The following SLC7A11 variants were observed in gnomAD, a reference collection of about 807,000 sequenced individuals.
SLC7A11 encodes solute carrier family 7 member 11, also known as cystine/glutamate transporter.
In SLC7A11, 35 loss-of-function variants were observed where a neutral mutation model predicts 54.5. That is an observed-to-expected ratio of 0.64 (90% CI 0.49 to 0.85). The LOEUF is 0.85. Ranked by LOEUF, SLC7A11 falls within the 40% of genes least tolerant of loss-of-function variation. SLC7A11 has a pLI of 0.00. For synonymous variants in SLC7A11, 230 were observed against 225.2 expected, an observed-to-expected ratio of 1.02 and a Z score of -0.19; for missense variants, 583 against 618.1, an observed-to-expected ratio of 0.94 and a Z score of 0.60.
intron 5 of SLC7A11, 53 bp from the exon 6 acceptor site, chr4:138,214,682 A>C (rs1267042649): frequency 1.5e-6 from 1 of 648,376 alleles, no homozygotes. Flanking sequence ...CCATTATCCA[A>C]AGTCTCAAAT....
intron 6 of SLC7A11, among the ~76,000 whole-genome samples, chr4:138,190,531 TCA>T (rs1193981074): frequency 2.6e-5 from 4 of 152,158 alleles, no homozygotes; most frequent in Non-Finnish European, 2.9e-5. Flanking sequence ...CAAACATCTC[TCA>T]CTTCTCTCTT....
At chr4:138,223,387 C>G in intron 3 of SLC7A11, 63 bp from the exon 4 acceptor site, 1 of 1,569,062 alleles carries the variant, frequency 6.4e-7, no homozygotes, top group Non-Finnish European at 8.7e-7. Flanking sequence ...CATTTTAGGT[C>G]CTTGTTACTC....
At chr4:138,219,053 C>T (rs1737744313) in intron 5 of SLC7A11, among the ~76,000 whole-genome samples, 2 of 152,104 alleles carry the variant, frequency 1.3e-5, no homozygotes, top group African/African-American at 4.8e-5. Context: ...ATCTAGCAGT[C>T]ACCTTGACTG....
At chr4:138,184,550 A>G (rs1736829222) in intron 7 of SLC7A11, among the ~76,000 whole-genome samples, 1 of 152,162 alleles carries the variant, frequency 6.6e-6, no homozygotes, top group South Asian at 2.1e-4. Context: ...GGGAGTTCAA[A>G]TGCATGTTGG....
chr4:138,185,659 T>C (rs1434623481), intron 6 of SLC7A11, among the ~76,000 whole-genome samples: 1 of 152,194 alleles, frequency 6.6e-6, no homozygotes, highest in Non-Finnish European at 1.5e-5. Flanking sequence ...CTGAGGCTGC[T>C]GATCAGGCCA....
chr4:138,171,667 C>T lies in SLC7A11; in HGVS notation c.*289G>A. ...GCTAACATATGTTGTAGAGAATGAC[C>T]ACATAGTAATTGTCTAGTCTTTTCT... is the stretch of plus-strand genomic sequence containing the variant. On this transcript the variant is annotated 3_prime_UTR_variant, in exon 12 of 12. Transcript: ENST00000280612. 2.9e-6 allele frequency: 1 copy of T among 340,564 alleles called. No individual in the cohort carries two copies. The highest frequency in any genetic ancestry group is 5.3e-6 in the Non-Finnish European group (1 of 189,138). The allele number at this position is 340,564 out of a possible 1,614,324, so 21.1% of individuals were successfully genotyped here.
At chr4:138,179,599 C>G (rs988431204) in intron 10 of SLC7A11, among the ~76,000 whole-genome samples, 1 of 152,120 alleles carries the variant, frequency 6.6e-6, no homozygotes, top group Admixed American at 6.6e-5. Context: ...AAATGTAATT[C>G]AACTTAATTT....
chr4:138,179,440 A>C, intron 10 of SLC7A11, 46 bp from the exon 11 acceptor site: 1 of 1,550,854 alleles, frequency 6.4e-7, no homozygotes, highest in Non-Finnish European at 8.9e-7. Context: ...TGTTCAAGCA[A>C]CAGAAGCTGG....
intron 1 of SLC7A11, among the ~76,000 whole-genome samples, chr4:138,236,987 T>C (rs985321414): frequency 1.2e-4 from 17 of 143,136 alleles, no homozygotes; most frequent in African/African-American, 4.4e-4. Context: ...AGATTTCTTT[T>C]TTTTTTTTTT....
At position 138,167,180 on chromosome 4, in the gene SLC7A11, G is replaced by A. The variant is rs377516234; in HGVS notation, c.*4776C>T. The A allele has an allele frequency of 1.3e-4, 15 of 115,790 alleles. No homozygotes were observed. Among genetic ancestry groups the A allele is most frequent in the South Asian group, 5.3e-4 (2 of 3,800 alleles). 7.2% of individuals were successfully genotyped at this position (115,790 alleles called of 1,614,324 possible). Reference sequence around the variant, plus strand: ...TTTTTTTTTTTTGAGATGAAGTCTCGCGCTCTTGTCCCCTAGGCTGGAGTG... The same window carrying A: ...TTTTTTTTTTTTGAGATGAAGTCTCACGCTCTTGTCCCCTAGGCTGGAGTG... On this transcript the variant is annotated 3_prime_UTR_variant, in exon 12 of 12. Transcript: ENST00000280612.
intron 3 of SLC7A11, among the ~76,000 whole-genome samples, chr4:138,227,527 A>T (rs1228764615): frequency 2.0e-5 from 3 of 152,280 alleles, no homozygotes; most frequent in Non-Finnish European, 4.4e-5. Flanking sequence ...TTTAATCCTC[A>T]TATCTCTATG....
chr4:138,168,639 G>A lies in SLC7A11; in HGVS notation c.*3317C>T, dbSNP rs889852096. The stretch of plus-strand genomic sequence containing the variant: ...AGACGAACAGGAAATCTGTTTCAAC[G>A]TGAATATCTTAGTGTTGGAGAAACC... On this transcript the variant is annotated 3_prime_UTR_variant, in exon 12 of 12. Coordinates refer to ENST00000280612, the MANE Select transcript of SLC7A11 (RefSeq NM_014331.4). 2.6e-5 allele frequency: 4 copies of A among 152,186 alleles called. No individual in the cohort carries two copies. The highest frequency in any genetic ancestry group is 3.8e-4 in the East Asian group (2 of 5,196). The allele number at this position is 152,186 out of a possible 1,614,324, so 9.4% of individuals were successfully genotyped here. A position where few individuals can be genotyped will look rare whatever the true frequency, so the allele number is the denominator to read the frequency against.
rs72946089 is a variant in SLC7A11, at chr4:138,179,611, A to T, written c.1267-217T>A. 4.4e-3 allele frequency among the ~76,000 whole-genome samples: 663 copies of T among 152,290 alleles called. 3 individuals are homozygous for T. The highest frequency in any genetic ancestry group is 0.015 in the African/African-American group (604 of 41,568). ...CTTAAATGTAATTCAACTTAATTTA[A>T]ATTGTTTTTAAATCTTTGGCTAGAA... On this transcript the variant is annotated intron_variant, in intron 10 of 11. Coordinates refer to ENST00000280612, the MANE Select transcript of SLC7A11 (RefSeq NM_014331.4).
rs188654660 is a variant in SLC7A11, at chr4:138,237,980, C to T, written c.278-1529G>A. Among the ~76,000 whole-genome samples, 282 of 146,664 alleles carry T rather than the reference C, an allele frequency of 1.9e-3. 1 individual carries two copies. Among genetic ancestry groups the T allele is most frequent in the African/African-American group, 6.3e-3 (250 of 39,682 alleles). On this transcript the variant is annotated intron_variant, in intron 1 of 11. Coordinates refer to ENST00000280612, the MANE Select transcript of SLC7A11 (RefSeq NM_014331.4). ...TTTGGTCGGGCTGGTCTCAAACTCC[C>T]GACCTCAGGTGATCTGCTTGCCTTG...
intron 11 of SLC7A11, chr4:138,176,539 A>G (rs1397333842): frequency 1.3e-5 from 2 of 152,206 alleles, no homozygotes; most frequent in African/African-American, 4.8e-5. Flanking sequence ...TGAACTGACA[A>G]AGAAATAATA....
At chr4:138,218,139 T>C (rs62324387) in intron 5 of SLC7A11, among the ~76,000 whole-genome samples, 25,054 of 152,180 alleles carry the variant, frequency 0.16, 2,308 homozygotes, top group East Asian at 0.23. Flanking sequence ...ATGAGATTAA[T>C]AGGGTAAACG....
intron 4 of SLC7A11, among the ~76,000 whole-genome samples, 180 bp from the exon 5 acceptor site, chr4:138,219,545 T>G (rs773665258): frequency 5.3e-5 from 8 of 152,212 alleles, no homozygotes; most frequent in Non-Finnish European, 1.2e-4. Flanking sequence ...AAAAGTATAT[T>G]GATCATTAAC....
chr4:138,225,948 T>G (rs1737938109), intron 3 of SLC7A11, among the ~76,000 whole-genome samples: 1 of 152,016 alleles, frequency 6.6e-6, no homozygotes, highest in Admixed American at 6.6e-5. Context: ...CATTCTTATT[T>G]TTGGAACAAC....
intron 6 of SLC7A11, among the ~76,000 whole-genome samples, chr4:138,206,996 C>CAAAAAAA (rs369656942): frequency 1.1e-4 from 13 of 113,624 alleles, no homozygotes; most frequent in Admixed American, 2.9e-4. Context: ...TAAAGAAAAG[C>CAAAAAAA]AAAAAAAAAA....
Sources: gnomAD v4.1 joint callset for allele counts (sites outside exome capture counted in the v4.1 genomes callset) on GRCh38, gnomAD v4.1.1 for gene constraint, MANE v1.5 for transcripts, NCBI Gene and HGNC (gene_info 2026-07-23, HGNC 2026-07-21) for gene names.